The following DPYSL3 variants were observed in gnomAD, a reference collection of about 807,000 sequenced individuals.
The protein encoded by DPYSL3 is dihydropyrimidinase like 3, also known as dihydropyrimidinase-related protein 3.
Under a neutral mutation model 66.1 loss-of-function variants are expected in DPYSL3, and 16 were observed. That is an observed-to-expected ratio of 0.24 (90% CI 0.16 to 0.37). The LOEUF is 0.37. Among genes scored for constraint, DPYSL3 ranks in the 10% least tolerant of loss-of-function variants. DPYSL3 has a pLI of 1.00. For synonymous variants in DPYSL3, 338 were observed against 345.1 expected (o/e 0.98, Z 0.23); for missense variants, 738 against 916.2 (o/e 0.81, Z 2.51).
rs1386451458 is a variant in DPYSL3, at chr5:147,408,230, A to G, written c.1032+498T>C. On this transcript the variant is annotated intron_variant, in intron 7 of 13. Transcript: ENST00000343218. Reference sequence around the variant, plus strand: ...GCTGACATCTCGGAGACATGGAACCAGCCTCTAGTCACCTTTGATTTGTTG... The same window carrying G: ...GCTGACATCTCGGAGACATGGAACCGGCCTCTAGTCACCTTTGATTTGTTG... 2.0e-5 allele frequency among the ~76,000 whole-genome samples: 3 copies of G among 152,202 alleles called. No individual in the cohort carries two copies. In the East Asian group the frequency reaches 5.8e-4, roughly 29 times the overall value.
chr5:147,507,692 A>G (rs957047872), intron 1 of DPYSL3, among the ~76,000 whole-genome samples: 1 of 152,190 alleles, frequency 6.6e-6, no homozygotes, highest in African/African-American at 2.4e-5. Context: ...CCAAACTTAC[A>G]AATGACTATG....
chr5:147,437,843 G>A (rs1323429764), intron 1 of DPYSL3, among the ~76,000 whole-genome samples: 3 of 152,208 alleles, frequency 2.0e-5, no homozygotes, highest in Non-Finnish European at 4.4e-5. Flanking sequence ...TCAAAGGAAT[G>A]CTGTGAGGAT....
chr5:147,441,271 G>A (rs1004222770), intron 1 of DPYSL3, among the ~76,000 whole-genome samples: 2 of 152,186 alleles, frequency 1.3e-5, no homozygotes, highest in South Asian at 2.1e-4. Context: ...AATGCTAGAA[G>A]TCTGAGATCA....
In DPYSL3 at chr5:147,394,724, C is replaced by T. The variant is rs145874945; in HGVS notation, c.1967-601G>A. Among the ~76,000 whole-genome samples, 1,273 of 152,020 alleles carry T rather than the reference C, an allele frequency of 8.4e-3. 12 individuals carry two copies. The highest frequency in any genetic ancestry group is 0.011 in the Non-Finnish European group (769 of 67,974). ...AAACTTTGAAAAAAATTGCTTATGA[C>T]TAGCAGAATGTGACCTCTGGCAAAG... On this transcript the variant is annotated intron_variant, in intron 13 of 13. Transcript: ENST00000343218.
chr5:147,489,908 C>T (rs577173739), intron 1 of DPYSL3, among the ~76,000 whole-genome samples: 1 of 151,822 alleles, frequency 6.6e-6, no homozygotes, highest in South Asian at 2.1e-4. Context: ...TATACTAGTG[C>T]ACAACGTAGT....
At position 147,412,601 on chromosome 5, in the gene DPYSL3, G is replaced by A; in HGVS notation, c.963+7C>T. On this transcript the variant is annotated splice_region_variant and intron_variant, in intron 6 of 13. Coordinates refer to ENST00000343218, the MANE Select transcript of DPYSL3 (RefSeq NM_001197294.2). ...AAAGCACGCTCCAGGGAGCTGCACG[G>A]TGTTACCTGGGCAATGATATCCCCA... The A allele has an allele frequency of 6.2e-7, 1 of 1,610,640 alleles. No homozygotes were observed. The highest frequency in any genetic ancestry group is 2.2e-5 in the East Asian group (1 of 44,818).
rs1435445209 is a variant in DPYSL3 at position 147,405,656 on chromosome 5, G to T, written c.1107C>A (p.Val369=). 6.2e-7 allele frequency: 1 copy of T among 1,614,060 alleles called. No homozygotes were observed. Among genetic ancestry groups the T allele is most frequent in the Non-Finnish European group, 8.5e-7 (1 of 1,179,958 alleles). ...QTNCPLYVTK[V]MSKSAADLIS... ...TGAGGTCAGCTGCACTCTTGCTCATGACCTTTGTGACGTAGAGAGGGCAAT... is the reference window on the plus strand; with the variant it reads ...TGAGGTCAGCTGCACTCTTGCTCATTACCTTTGTGACGTAGAGAGGGCAAT... The change falls in exon 8 of 14, where the codon GTC becomes GTA. Residue 369 remains valine (V), a synonymous_variant. Transcript: ENST00000343218.
Position 147,429,262 on chromosome 5 carries a change from C to T in DPYSL3, c.382-4299G>A, listed in dbSNP as rs148707438. Among the ~76,000 whole-genome samples, 538 of 152,304 alleles carry T rather than the reference C, an allele frequency of 3.5e-3. 3 individuals carry two copies. Among genetic ancestry groups the T allele is most frequent in the African/African-American group, 0.012 (495 of 41,564 alleles). ...GGCCCTGCACAGCTACCAAGAGCTACGTGTGTCACTGTCTTGCAGCCCAGC... is the reference window on the plus strand; with the variant it reads ...GGCCCTGCACAGCTACCAAGAGCTATGTGTGTCACTGTCTTGCAGCCCAGC... On this transcript the variant is annotated intron_variant, in intron 1 of 13. Coordinates refer to ENST00000343218, the MANE Select transcript of DPYSL3 (RefSeq NM_001197294.2).
At chr5:147,426,519 G>A (rs1172140988) in intron 1 of DPYSL3, among the ~76,000 whole-genome samples, 1 of 152,080 alleles carries the variant, frequency 6.6e-6, no homozygotes, top group Admixed American at 6.6e-5. Flanking sequence ...CACTGCTCAG[G>A]GCCAATGTTC....
chr5:147,428,207 T>C (rs571392364), intron 1 of DPYSL3, among the ~76,000 whole-genome samples: 3 of 152,194 alleles, frequency 2.0e-5, no homozygotes, highest in Non-Finnish European at 2.9e-5. Flanking sequence ...ATAGGCCTGG[T>C]GTAGGTTTCA....
chr5:147,419,268 T>A (rs1203393911), intron 2 of DPYSL3, among the ~76,000 whole-genome samples: 2 of 152,182 alleles, frequency 1.3e-5, no homozygotes, highest in Non-Finnish European at 2.9e-5. Flanking sequence ...GCTGCCTTTA[T>A]GACATGGTCA....
chr5:147,403,821 C>T (rs1758260641), intron 8 of DPYSL3, among the ~76,000 whole-genome samples: 1 of 152,166 alleles, frequency 6.6e-6, no homozygotes, highest in South Asian at 2.1e-4. Flanking sequence ...GCCAGTTTTT[C>T]ATCCCTGAAA....
intron 1 of DPYSL3, among the ~76,000 whole-genome samples, chr5:147,445,774 C>A (rs188056574): frequency 1.3e-5 from 2 of 151,772 alleles, no homozygotes; most frequent in East Asian, 3.9e-4. Context: ...GGGCAATTAT[C>A]GCCTTCATGC....
In DPYSL3 at chr5:147,394,114, A is replaced by G. The variant is rs1757898032; in HGVS notation, c.1976T>C (p.Val659Ala). The change falls in exon 14 of 14, where the codon GTG becomes GCG. Residue 659 changes from valine (V) to alanine (A), a missense_variant. By Grantham distance (64) the Val-to-Ala change is moderately conservative. Coordinates refer to ENST00000343218, the MANE Select transcript of DPYSL3 (RefSeq NM_001197294.2). Reference protein sequence around the residue: ...QSGFSLSGTQVDEGVRSASKR... With the variant: ...QSGFSLSGTQADEGVRSASKR... ...GCTGGCTGAGCGAACCCCCTCATCC[A>G]CTTGGGTGCCTACAGTTGGAAATAA... 1 of 1,613,872 alleles carries G rather than the reference A, an allele frequency of 6.2e-7. No homozygotes were observed. The highest frequency in any genetic ancestry group is 8.5e-7 in the Non-Finnish European group (1 of 1,179,938).
At chr5:147,395,422 C>A (rs1435240106) in intron 13 of DPYSL3, 137 bp downstream of exon 13, 2 of 1,066,728 alleles carry the variant, frequency 1.9e-6, no homozygotes, top group Non-Finnish European at 2.7e-6. Context: ...GCCCCAGTAA[C>A]CTTCTCCCTA....
chr5:147,476,436 G>A (rs184920080), intron 1 of DPYSL3, among the ~76,000 whole-genome samples: 1 of 152,264 alleles, frequency 6.6e-6, no homozygotes, highest in East Asian at 1.9e-4. Flanking sequence ...ATATTTAGGA[G>A]TAAAAACAAG....
intron 1 of DPYSL3, among the ~76,000 whole-genome samples, chr5:147,489,896 A>G (rs1753389823): frequency 6.6e-6 from 1 of 152,198 alleles, no homozygotes; most frequent in African/African-American, 2.4e-5. Flanking sequence ...ACCATTATAC[A>G]ATATACTAGT....
intron 1 of DPYSL3, among the ~76,000 whole-genome samples, chr5:147,428,530 T>C (rs952525795): frequency 2.0e-5 from 3 of 151,802 alleles, no homozygotes; most frequent in African/African-American, 7.3e-5. Context: ...CCAGGTCACA[T>C]AAAATCAAAC....
At chr5:147,478,691 A>G (rs1753196431) in intron 1 of DPYSL3, among the ~76,000 whole-genome samples, 1 of 152,230 alleles carries the variant, frequency 6.6e-6, no homozygotes, top group Non-Finnish European at 1.5e-5. Context: ...TTCCACTACC[A>G]TATCATACAC....
Sources: gnomAD v4.1 joint callset for allele counts (sites outside exome capture counted in the v4.1 genomes callset) on GRCh38, gnomAD v4.1.1 for gene constraint, MANE v1.5 for transcripts, NCBI Gene and HGNC (gene_info 2026-07-23, HGNC 2026-07-21) for gene names.